ULK4: variants seen among roughly 807,000 people sequenced by gnomAD.
The protein encoded by ULK4 is inactive serine/threonine-protein kinase ULK4.
A neutral mutation model predicts 160.6 loss-of-function variants in ULK4; 133 were observed. The ratio of observed to expected loss-of-function variants is 0.83; its 90% CI spans 0.72 to 0.96. The LOEUF (loss-of-function observed/expected upper bound fraction) is 0.96, where lower values mean the gene tolerates loss of function less well. Ranked by LOEUF, ULK4 falls within the 40% of genes least tolerant of loss-of-function variation. The pLI, the probability that ULK4 is intolerant of heterozygous loss-of-function variation, is 0.00. For missense variants in ULK4, 1,580 were observed against 1,499.5 expected, an observed-to-expected ratio of 1.05 and a Z score of -0.89; for synonymous variants, 534 against 539.8, an observed-to-expected ratio of 0.99 and a Z score of 0.15.
chr3:41,823,407 G>A (rs1242101382), intron 18 of ULK4, among the ~76,000 whole-genome samples: 1 of 152,206 alleles, frequency 6.6e-6, no homozygotes, highest in Admixed American at 6.5e-5. Flanking sequence ...GACTTTGGCT[G>A]TGACAATGAA....
intron 32 of ULK4, among the ~76,000 whole-genome samples, chr3:41,562,449 T>C (rs926614272): frequency 3.9e-5 from 6 of 152,194 alleles, no homozygotes; most frequent in African/African-American, 1.4e-4. Context: ...CTGTCTAGTA[T>C]TGACGGTAGA....
At chr3:41,741,701 A>T (rs2038244054) in intron 22 of ULK4, among the ~76,000 whole-genome samples, 1 of 151,966 alleles carries the variant, frequency 6.6e-6, no homozygotes, top group African/African-American at 2.4e-5. Flanking sequence ...TTCCTCAAGC[A>T]GTATTTAAAA....
rs748429782 is a variant in ULK4 at position 41,340,418 on chromosome 3, C to T, written c.3678+57661G>A. On this transcript the variant is annotated intron_variant, in intron 35 of 36. Coordinates refer to ENST00000301831, the MANE Select transcript of ULK4 (RefSeq NM_017886.4). ...GGGGCCTTGTTTTGGCTTTGCCATG[C>T]ACTGGCTATGTGACCTTGGGTGGGG... is the stretch of plus-strand genomic sequence containing the variant. 5.3e-4 allele frequency among the ~76,000 whole-genome samples: 80 copies of T among 152,348 alleles called. 1 individual carries two copies. Among genetic ancestry groups the T allele is most frequent in the Admixed American group, 1.8e-3 (28 of 15,302 alleles).
In ULK4 at chr3:41,388,855, C is replaced by G. The variant is rs559147645; in HGVS notation, c.3678+9224G>C. Reference sequence around the variant, plus strand: ...TTGGCTTAGGATTGACTTGGCTATACAGGCTCTTTTTTGGTTCCATATGAA... The same window carrying G: ...TTGGCTTAGGATTGACTTGGCTATAGAGGCTCTTTTTTGGTTCCATATGAA... On this transcript the variant is annotated intron_variant, in intron 35 of 36. Transcript: ENST00000301831. Among the ~76,000 whole-genome samples, 10 of 152,204 alleles carry G rather than the reference C, an allele frequency of 6.6e-5. No individual in the cohort carries two copies. The South Asian group carries it at 1.9e-3, about 28-fold the overall frequency.
At chr3:41,888,220 C>T (rs1333503451) in intron 16 of ULK4, among the ~76,000 whole-genome samples, 1 of 152,106 alleles carries the variant, frequency 6.6e-6, no homozygotes, top group Non-Finnish European at 1.5e-5. Flanking sequence ...CAGATCTAAA[C>T]TTATGAGACA....
intron 17 of ULK4, among the ~76,000 whole-genome samples, chr3:41,862,593 G>A (rs960579958): frequency 6.6e-6 from 1 of 152,236 alleles, no homozygotes; most frequent in African/African-American, 2.4e-5. Flanking sequence ...GATCTAGGCT[G>A]TATCTGCTTT....
rs554234573 is a variant in ULK4 at position 41,462,293 on chromosome 3, C to A, written c.3393+794G>T. Among the ~76,000 whole-genome samples the A allele has an allele frequency of 9.7e-4, 147 of 152,288 alleles. 3 individuals carry two copies. The highest frequency in any genetic ancestry group is 7.3e-5 in the Non-Finnish European group (5 of 68,038). ...CAAAACAGTTTGGTTTCAACTTTAG[C>A]TTCTGCGTCTATCCAAGCTTGGATG... On this transcript the variant is annotated intron_variant, in intron 33 of 36. Coordinates refer to ENST00000301831, the MANE Select transcript of ULK4 (RefSeq NM_017886.4).
At chr3:41,506,767 A>AAAAAAAAAAAAAATATATATAT in intron 32 of ULK4, among the ~76,000 whole-genome samples, 8 of 56,764 alleles carry the variant, frequency 1.4e-4, no homozygotes, top group African/African-American at 6.6e-4. Context: ...TGTGATTTAA[A>AAAAAAAAAAAAAATATATATAT]ATATATATAT....
At chr3:41,551,779 G>T (rs1168988284) in intron 32 of ULK4, among the ~76,000 whole-genome samples, 1 of 151,630 alleles carries the variant, frequency 6.6e-6, no homozygotes, top group Non-Finnish European at 1.5e-5. Flanking sequence ...TACAAGGCCA[G>T]CATTACCAAA....
intron 30 of ULK4, among the ~76,000 whole-genome samples, chr3:41,643,686 G>A (rs566366579): frequency 2.6e-5 from 4 of 152,164 alleles, no homozygotes; most frequent in Admixed American, 2.6e-4. Flanking sequence ...CTCTTTTTTG[G>A]TTCCATATGA....
intron 8 of ULK4, among the ~76,000 whole-genome samples, chr3:41,915,100 T>C (rs370811787): frequency 4.6e-5 from 7 of 152,266 alleles, no homozygotes; most frequent in Admixed American, 2.6e-4. Flanking sequence ...AGCATACAGT[T>C]ATAAATGTAG....
intron 21 of ULK4, chr3:41,767,059 G>T (rs570926588): frequency 1.3e-5 from 2 of 152,316 alleles, no homozygotes; most frequent in African/African-American, 4.8e-5. Flanking sequence ...TTAAAAAAAG[G>T]ATTTGTCATC....
In ULK4 at chr3:41,648,817, A is replaced by G. The variant is rs115682884; in HGVS notation, c.3071+14790T>C. Among the ~76,000 whole-genome samples the G allele has an allele frequency of 9.4e-3, 1,432 of 152,250 alleles. 20 individuals carry two copies. Among genetic ancestry groups the G allele is most frequent in the African/African-American group, 0.032 (1,335 of 41,532 alleles). ...ACCAGTTTTACCCTTTCCAGGAGAG[A>G]AAGCATCAGAAAACGCAGTAAAAAG... On this transcript the variant is annotated intron_variant, in intron 30 of 36. Coordinates refer to ENST00000301831, the MANE Select transcript of ULK4 (RefSeq NM_017886.4).
At chr3:41,940,556 A>C (rs754387514) in intron 2 of ULK4, among the ~76,000 whole-genome samples, 22 of 152,068 alleles carry the variant, frequency 1.4e-4, no homozygotes, top group Non-Finnish European at 2.1e-4. Flanking sequence ...TACTCAGGAC[A>C]CTGAGGCAGG....
chr3:41,888,105 G>T (rs1240378890), intron 16 of ULK4, among the ~76,000 whole-genome samples: 1 of 151,676 alleles, frequency 6.6e-6, no homozygotes, highest in African/African-American at 2.4e-5. Flanking sequence ...TTTTTAGAGT[G>T]AGTCTCTAAA....
chr3:41,546,701 C>G (rs1406383548), intron 32 of ULK4, among the ~76,000 whole-genome samples: 3 of 150,096 alleles, frequency 2.0e-5, no homozygotes, highest in Middle Eastern at 3.4e-3. Context: ...AAACACTGGT[C>G]TCTTCCTTCC....
chr3:41,519,768 A>T (rs2085869446), intron 32 of ULK4, among the ~76,000 whole-genome samples: 1 of 152,238 alleles, frequency 6.6e-6, no homozygotes, highest in African/African-American at 2.4e-5. Context: ...GGAACTTTTC[A>T]GGGTCTTCTG....
At chr3:41,949,776 G>A (rs543881738) in intron 2 of ULK4, among the ~76,000 whole-genome samples, 22 of 145,954 alleles carry the variant, frequency 1.5e-4, no homozygotes, top group African/African-American at 4.8e-4. Context: ...TGTCTCTGTC[G>A]CCCAGGCGGG....
intron 32 of ULK4, among the ~76,000 whole-genome samples, chr3:41,550,646 A>AGG (rs2087028582): frequency 6.6e-6 from 1 of 152,178 alleles, no homozygotes; most frequent in Admixed American, 6.5e-5. Flanking sequence ...ATAAAGTATT[A>AGG]GATCTAAGGG....
Sources: allele counts gnomAD v4.1 joint callset (sites outside exome capture counted in the v4.1 genomes callset), GRCh38; gene constraint gnomAD v4.1.1; transcripts MANE v1.5; gene names NCBI Gene and HGNC (gene_info 2026-07-23, HGNC 2026-07-21).